The following TEDC1 variants were observed in gnomAD, a reference collection of about 807,000 sequenced individuals.
TEDC1 encodes tubulin epsilon and delta complex protein 1.
In TEDC1, 54 loss-of-function variants were observed where a neutral mutation model predicts 59.9. The observed-to-expected ratio is 0.90, with a 90% CI of 0.72 to 1.13. TEDC1 has a LOEUF of 1.13. Among genes scored for constraint, TEDC1 ranks in the 50% most tolerant of loss-of-function variants. The probability of loss-of-function intolerance (pLI) is 0.00; values close to 1 mark genes in which losing one functional copy is unlikely to be tolerated. For synonymous variants in TEDC1, 353 were observed against 298.1 expected (o/e 1.18, Z -1.90); for missense variants, 734 against 683.4 (o/e 1.07, Z -0.83).
At position 105,497,780 on chromosome 14, in the gene TEDC1, T is replaced by G. The variant is rs1555440735; in HGVS notation, c.979-18T>G. On this transcript the variant is annotated intron_variant, in intron 7 of 8. Coordinates refer to ENST00000392523, the MANE Select transcript of TEDC1 (RefSeq NM_001367178.1). ...TCCCCTTGGCTTGGTGCACGCTGTC[T>G]CACTTGGGTCTCTGTAGGACACGGT... is the stretch of plus-strand genomic sequence containing the variant. The G allele has an allele frequency of 6.6e-7, 1 of 1,522,070 alleles. No homozygotes were observed. The highest frequency in any genetic ancestry group is 1.3e-5 in the South Asian group (1 of 79,214). 94.3% of individuals were successfully genotyped at this position (1,522,070 alleles called of 1,614,324 possible).
chr14:105,492,383 T>G, intron 3 of TEDC1, 74 bp downstream of exon 3: 1 of 1,565,008 alleles, frequency 6.4e-7, no homozygotes, highest in South Asian at 1.1e-5. Flanking sequence ...CAGGCCTGGG[T>G]CAGCCCCCTC....
upstream of TEDC1, chr14:105,491,032 C>G (rs1555439114): frequency 3.2e-6 from 5 of 1,550,806 alleles, no homozygotes; most frequent in Non-Finnish European, 3.5e-6. Flanking sequence ...AGACTACACT[C>G]AAACTCCAGG....
intron 4 of TEDC1, 60 bp from the exon 5 acceptor site, chr14:105,493,775 T>C: frequency 8.1e-7 from 1 of 1,237,626 alleles, no homozygotes. Context: ...TCATGGAGAC[T>C]CAGCGTTGGG....
At chr14:105,492,778 CT>C (rs1555439783) in intron 4 of TEDC1, 44 bp downstream of exon 4, 1 of 1,524,908 alleles carries the variant, frequency 6.6e-7, no homozygotes, top group East Asian at 2.5e-5. Flanking sequence ...GTGTCCCGTG[CT>C]GCAGGCCGCC....
At chr14:105,497,249 T>G (rs2141807060) in intron 6 of TEDC1, 108 bp from the exon 7 acceptor site, 919 of 1,085,730 alleles carry the variant, frequency 8.5e-4, no homozygotes, top group Non-Finnish European at 1.1e-3. Context: ...GGGCGGGGCG[T>G]GAGCTAGGCG....
chr14:105,493,780 G>T (rs187863153), intron 4 of TEDC1, 55 bp from the exon 5 acceptor site: 9 of 1,300,186 alleles, frequency 6.9e-6, no homozygotes, highest in Non-Finnish European at 8.8e-6. Context: ...GAGACTCAGC[G>T]TTGGGGGAGG....
intron 5 of TEDC1, 28 bp from the exon 6 acceptor site, chr14:105,495,852 C>T: frequency 1.3e-6 from 2 of 1,516,118 alleles, no homozygotes; most frequent in Non-Finnish European, 1.8e-6. Context: ...GCCAGGTGGA[C>T]TGGGGCCATG....
In TEDC1 at chr14:105,491,431, TGCCTGAGGCCATCGCCGCGTTGAGTCG is replaced by T; in HGVS notation, c.58_84del (p.Pro20_Arg28del). 1 of 1,431,520 alleles carries T rather than the reference TGCCTGAGGCCATCGCCGCGTTGAGTCG, an allele frequency of 7.0e-7. No homozygotes were observed. Among genetic ancestry groups the T allele is most frequent in the Non-Finnish European group, 9.1e-7 (1 of 1,100,624 alleles). 88.7% of individuals were successfully genotyped at this position (1,431,520 alleles called of 1,614,324 possible). A position where few individuals can be genotyped will look rare whatever the true frequency, so the allele number is the denominator to read the frequency against. Reference sequence around the variant, plus strand: ...GCGGCTGGGGCCCGGGCCGGGGCCCTGCCTGAGGCCATCGCCGCGTTGAGTCGGTCGCTGCCCTCGGGACCCAGCCCC... The same window carrying T: ...GCGGCTGGGGCCCGGGCCGGGGCCCTGTCGCTGCCCTCGGGACCCAGCCCC... On this transcript the variant is annotated inframe_deletion, in exon 1 of 9. Transcript: ENST00000392523.
chr14:105,491,060 T>G, upstream of TEDC1: 1 of 1,551,350 alleles, frequency 6.4e-7, no homozygotes. Context: ...TTCATTGGGC[T>G]TGGACACGAA....
upstream of TEDC1, chr14:105,491,112 C>T: frequency 1.3e-6 from 2 of 1,551,310 alleles, no homozygotes; most frequent in Non-Finnish European, 1.7e-6. Flanking sequence ...CATGTCCGGC[C>T]AGCGCGGTGA....
rs1555439370 is a variant in TEDC1, at chr14:105,491,679, G to T, written c.205G>T (p.Ala69Ser). The T allele has an allele frequency of 3.2e-6, 5 of 1,549,214 alleles. No individual in the cohort carries two copies. The highest frequency in any genetic ancestry group is 4.4e-6 in the Non-Finnish European group (5 of 1,146,882). The stretch of plus-strand genomic sequence containing the variant: ...GCTCTCGCCACTCCCTGCGGGCAAC[G>T]CCTTGGCATCGCTCGCCCTGGGTAA... ...RVLSPLPAGNALASLALEVQA... is the reference protein window; with the variant it reads ...RVLSPLPAGNSLASLALEVQA... Residue 69 changes from alanine (A) to serine (S), a missense_variant, in exon 2 of 9, where the codon GCC becomes TCC. Physicochemically the swap from Ala to Ser is moderately conservative, Grantham distance 99 (BLOSUM62 1). Transcript: ENST00000392523.
At chr14:105,496,408 G>A in intron 6 of TEDC1, 1 of 337,356 alleles carries the variant, frequency 3.0e-6, no homozygotes, top group Non-Finnish European at 5.5e-6. Context: ...CCTCTGCTCT[G>A]CTCCGCCCCA....
rs2084202120 is a variant in TEDC1 at position 105,491,363 on chromosome 14, T to C, written c.-13T>C. 6.9e-7 allele frequency: 1 copy of C among 1,439,476 alleles called. No individual in the cohort carries two copies. Among genetic ancestry groups the C allele is most frequent in the Non-Finnish European group, 9.1e-7 (1 of 1,103,926 alleles). The allele number at this position is 1,439,476 out of a possible 1,614,324, so 89.2% of individuals were successfully genotyped here. Reference sequence around the variant, plus strand: ...CGGAGGCGGGCGATCCGAAAGAGGCTGGTGCTGGCTGCATGGGGAGGCGGC... The same window carrying C: ...CGGAGGCGGGCGATCCGAAAGAGGCCGGTGCTGGCTGCATGGGGAGGCGGC... On this transcript the variant is annotated 5_prime_UTR_variant, in exon 1 of 9. Coordinates refer to ENST00000392523, the MANE Select transcript of TEDC1 (RefSeq NM_001367178.1).
At chr14:105,493,453 T>G (rs587737073) in intron 4 of TEDC1, among the ~76,000 whole-genome samples, 1 of 152,258 alleles carries the variant, frequency 6.6e-6, no homozygotes, top group South Asian at 2.1e-4. Context: ...CCCATTTCCC[T>G]AGATCCAAGC....
At chr14:105,493,295 C>T (rs868957918) in intron 4 of TEDC1, among the ~76,000 whole-genome samples, 5 of 152,246 alleles carry the variant, frequency 3.3e-5, no homozygotes, top group South Asian at 2.1e-4. Flanking sequence ...CCCATCCCAC[C>T]CTTGCAGAGG....
intron 8 of TEDC1, 136 bp downstream of exon 8, chr14:105,498,113 C>T (rs1555440898): frequency 5.2e-6 from 6 of 1,143,334 alleles, no homozygotes; most frequent in African/African-American, 1.6e-5. Context: ...GAGGCACGTA[C>T]CCTGAGGGAG....
chr14:105,497,482 C>A (rs2084373454), intron 7 of TEDC1, 39 bp downstream of exon 7: 5 of 1,532,976 alleles, frequency 3.3e-6, no homozygotes, highest in Non-Finnish European at 4.4e-6. Context: ...GCATCCCTTC[C>A]CACAGCAGCC....
chr14:105,494,044 C>T lies in TEDC1; in HGVS notation c.684+111C>T, dbSNP rs373964506. ...GGCGGGGCAGCTCTTGGGCCTCCAG[C>T]GGTGGGTGTCTCTGCATGTCTGCCA... On this transcript the variant is annotated intron_variant, in intron 5 of 8. Transcript: ENST00000392523. 1.9e-4 allele frequency: 156 copies of T among 809,708 alleles called. 1 individual carries two copies. The South Asian group carries it at 2.3e-3, about 12-fold the overall frequency. 50.2% of individuals were successfully genotyped at this position (809,708 alleles called of 1,614,324 possible). A position where few individuals can be genotyped will look rare whatever the true frequency, so the allele number is the denominator to read the frequency against.
At chr14:105,493,989 GGGGACTGCCCAGGGTGGGAGGGGCCT>G in intron 5 of TEDC1, 56 bp downstream of exon 5, 10 of 796,266 alleles carry the variant, frequency 1.3e-5, no homozygotes, top group Non-Finnish European at 1.7e-5. Context: ...GGCACAGCAG[GGGGACTGCCCAGGGTGGGAGGGGCCT>G]GGGGGCGGGG....
Sources: gnomAD v4.1 joint callset for allele counts (sites outside exome capture counted in the v4.1 genomes callset) on GRCh38, gnomAD v4.1.1 for gene constraint, MANE v1.5 for transcripts, NCBI Gene and HGNC (gene_info 2026-07-23, HGNC 2026-07-21) for gene names.